ERLIN1: variants seen among roughly 807,000 people sequenced by gnomAD.
The protein encoded by ERLIN1 is erlin-1.
In ERLIN1, 24 loss-of-function variants were observed where a neutral mutation model predicts 46.9. The ratio of observed to expected loss-of-function variants is 0.51; its 90% CI spans 0.37 to 0.72. The LOEUF is 0.72. Among genes scored for constraint, ERLIN1 ranks in the 30% least tolerant of loss-of-function variants. The probability of loss-of-function intolerance (pLI) is 0.00; values close to 1 mark genes in which losing one functional copy is unlikely to be tolerated. For synonymous variants in ERLIN1, 158 were observed against 143.2 expected (o/e 1.10, Z -0.74); for missense variants, 293 against 417.9 (o/e 0.70, Z 2.61).
intron 5 of ERLIN1, among the ~76,000 whole-genome samples, chr10:100,174,524 T>C (rs1173149365): frequency 6.6e-6 from 1 of 152,194 alleles, no homozygotes; most frequent in African/African-American, 2.4e-5. Context: ...GTTTACCCAC[T>C]AAATGTATTA....
chr10:100,184,413 G>A (rs1264719339), intron 1 of ERLIN1, among the ~76,000 whole-genome samples: 5 of 152,170 alleles, frequency 3.3e-5, no homozygotes, highest in African/African-American at 1.2e-4. Flanking sequence ...ATAAGGGCTT[G>A]TTAACCAAAT....
At chr10:100,166,602 T>G (rs986489102) in intron 7 of ERLIN1, among the ~76,000 whole-genome samples, 1 of 152,222 alleles carries the variant, frequency 6.6e-6, no homozygotes, top group African/African-American at 2.4e-5. Flanking sequence ...GGACTTCCAG[T>G]ATTTATACAT....
intron 8 of ERLIN1, among the ~76,000 whole-genome samples, chr10:100,161,316 C>A (rs974070522): frequency 2.0e-5 from 3 of 151,726 alleles, no homozygotes; most frequent in Non-Finnish European, 4.4e-5. Flanking sequence ...TATACAAAAC[C>A]CATTAGAAAA....
At chr10:100,155,735 C>T (rs1843047178) in intron 9 of ERLIN1, among the ~76,000 whole-genome samples, 1 of 152,182 alleles carries the variant, frequency 6.6e-6, no homozygotes, top group South Asian at 2.1e-4. Context: ...GGGATGGTCT[C>T]GATCTCCTGA....
chr10:100,182,395 G>A (rs1256847441), intron 2 of ERLIN1, among the ~76,000 whole-genome samples: 4 of 152,024 alleles, frequency 2.6e-5, no homozygotes. Context: ...TGTTTCGGCT[G>A]TTGATGAGGT....
In ERLIN1 at chr10:100,150,913, G is replaced by A. The variant is rs1842771289; in HGVS notation, c.*1218C>T. On this transcript the variant is annotated 3_prime_UTR_variant, in exon 11 of 11. Coordinates refer to ENST00000421367, the MANE Select transcript of ERLIN1 (RefSeq NM_006459.4). Reference sequence around the variant, plus strand: ...AAAATTAAATTCACTGGCTGCCCAGGACGTCAGTGGAATCCTGATCTCCTG... The same window carrying A: ...AAAATTAAATTCACTGGCTGCCCAGAACGTCAGTGGAATCCTGATCTCCTG... 2 of 152,246 alleles carry A rather than the reference G, an allele frequency of 1.3e-5. No individual in the cohort carries two copies. Among genetic ancestry groups the A allele is most frequent in the South Asian group, 4.1e-4 (2 of 4,830 alleles). 9.4% of individuals were successfully genotyped at this position (152,246 alleles called of 1,614,324 possible).
At chr10:100,167,812 AC>A (rs1478112848) in intron 6 of ERLIN1, among the ~76,000 whole-genome samples, 3 of 152,370 alleles carry the variant, frequency 2.0e-5, no homozygotes, top group African/African-American at 7.2e-5. Flanking sequence ...TTAGTCAAAT[AC>A]AAAAACAAAC....
At chr10:100,155,810 G>A (rs1485924504) in intron 9 of ERLIN1, among the ~76,000 whole-genome samples, 1 of 152,194 alleles carries the variant, frequency 6.6e-6, no homozygotes, top group Non-Finnish European at 1.5e-5. Context: ...CACGGCGCCC[G>A]GCCAGAGATG....
In ERLIN1 at chr10:100,152,313, G is replaced by C. The variant is rs929178959; in HGVS notation, c.865C>G (p.Gln289Glu). ...TPEYLELKKY[Q>E]AIASNSKIYF... ...ATCTTACTGTTAGAAGCAATGGCCT[G>C]GTACTTTTTGAGCTCCAGATATTCC... Residue 289 changes from glutamine (Q) to glutamate (E), a missense_variant, in exon 11 of 11, where the codon CAG (glutamine) becomes GAG (glutamate). By Grantham distance (29) the Gln-to-Glu change is conservative. This residue lies in a region of ERLIN1 where 69 missense variants were observed against 74.5 expected (regional missense o/e 0.93). Transcript: ENST00000421367. The C allele has an allele frequency of 6.2e-7, 1 of 1,613,446 alleles. No individual in the cohort carries two copies. The highest frequency in any genetic ancestry group is 8.5e-7 in the Non-Finnish European group (1 of 1,179,370).
rs67272064 is a variant in ERLIN1 at position 100,169,621 on chromosome 10, TAAAA to T, written c.505-2219_505-2216del. Among the ~76,000 whole-genome samples the T allele has an allele frequency of 1.3e-3, 193 of 145,000 alleles. 2 individuals are homozygous for T. Among genetic ancestry groups the T allele is most frequent in the East Asian group, 8.9e-3 (45 of 5,036 alleles). On this transcript the variant is annotated intron_variant, in intron 6 of 10. Transcript: ENST00000421367. ...AGAATCAATCACATTCCTCAATGAT[TAAAA>T]AAAAAAAAGACTACATATTGAACAG...
At chr10:100,175,380 G>A (rs1844233070) in intron 5 of ERLIN1, among the ~76,000 whole-genome samples, 1 of 152,134 alleles carries the variant, frequency 6.6e-6, no homozygotes, top group African/African-American at 2.4e-5. Context: ...TACATAATCA[G>A]CCCCCAGTGA....
Position 100,185,873 on chromosome 10 carries a change from C to T in ERLIN1, c.-247G>A. 7.3e-6 allele frequency: 4 copies of T among 544,632 alleles called. No individual in the cohort carries two copies. The highest frequency in any genetic ancestry group is 1.9e-5 in the African/African-American group (1 of 52,304). The allele number at this position is 544,632 out of a possible 1,614,324, so 33.7% of individuals were successfully genotyped here. A position where few individuals can be genotyped will look rare whatever the true frequency, so the allele number is the denominator to read the frequency against. ...GTGAGCTTCCTGAAACTCCCTCTCCCAAGGGTCGCTCCCGGGTGGAAGGCA... is the reference window on the plus strand; with the variant it reads ...GTGAGCTTCCTGAAACTCCCTCTCCTAAGGGTCGCTCCCGGGTGGAAGGCA... On this transcript the variant is annotated 5_prime_UTR_variant, in exon 1 of 11. Transcript: ENST00000421367.
chr10:100,185,250 T>C (rs1400936740), intron 1 of ERLIN1, among the ~76,000 whole-genome samples: 3 of 152,196 alleles, frequency 2.0e-5, no homozygotes, highest in Non-Finnish European at 2.9e-5. Flanking sequence ...CTTTCTTCCT[T>C]CTTCATTTTT....
intron 6 of ERLIN1, among the ~76,000 whole-genome samples, chr10:100,170,861 T>A (rs1399926479): frequency 6.6e-6 from 1 of 152,044 alleles, no homozygotes; most frequent in African/African-American, 2.4e-5. Flanking sequence ...AATGGGAAGA[T>A]CAATGGAACA....
At position 100,183,820 on chromosome 10, in the gene ERLIN1, G is replaced by A. The variant is rs773606438; in HGVS notation, c.131C>T (p.Thr44Ile). 1 of 1,612,768 alleles carries A rather than the reference G, an allele frequency of 6.2e-7. No homozygotes were observed. ...ATGATAGCCTGGTCCACTGGGGCTA[G>A]TTAGTAAAGCTCCTCCCCTGCAAAA... is the stretch of plus-strand genomic sequence containing the variant. ...AVYYRGGALL[T>I]SPSGPGYHIM... The change falls in exon 2 of 11, where the codon ACT (threonine) becomes ATT (isoleucine). Residue 44 changes from threonine (T) to isoleucine (I), a missense_variant. By Grantham distance (89) the Thr-to-Ile change is moderately conservative. Around this residue, in one of 3 missense-constraint regions of ERLIN1, gnomAD observed 76 missense variants for 77.0 expected, o/e 0.99. Coordinates refer to ENST00000421367, the MANE Select transcript of ERLIN1 (RefSeq NM_006459.4).
At chr10:100,181,766 G>T (rs1034214423) in intron 2 of ERLIN1, among the ~76,000 whole-genome samples, 8 of 151,932 alleles carry the variant, frequency 5.3e-5, no homozygotes, top group East Asian at 3.9e-4. Flanking sequence ...TGCCTGCCTC[G>T]GCCTCCCAAA....
At chr10:100,173,128 CA>C (rs1296845779) in intron 6 of ERLIN1, among the ~76,000 whole-genome samples, 4 of 152,178 alleles carry the variant, frequency 2.6e-5, no homozygotes, top group Non-Finnish European at 5.9e-5. Flanking sequence ...TTTTGAGAAG[CA>C]CGAACACATA....
Position 100,174,903 on chromosome 10 carries a change from T to A in ERLIN1, c.431-622A>T, listed in dbSNP as rs118050340. 5.5e-3 allele frequency among the ~76,000 whole-genome samples: 835 copies of A among 152,324 alleles called. 3 individuals are homozygous for A. Among genetic ancestry groups the A allele is most frequent in the Non-Finnish European group, 8.4e-3 (571 of 68,038 alleles). ...CACTTTCTATTCACCTCAATGGTAC[T>A]TTCGCTATTTAAATGACTGGTGGTG... On this transcript the variant is annotated intron_variant, in intron 5 of 10. Coordinates refer to ENST00000421367, the MANE Select transcript of ERLIN1 (RefSeq NM_006459.4).
chr10:100,157,571 A>AT (rs1843142653), intron 8 of ERLIN1, among the ~76,000 whole-genome samples: 2 of 152,152 alleles, frequency 1.3e-5, no homozygotes, highest in Non-Finnish European at 2.9e-5. Flanking sequence ...CTTCCAAGTG[A>AT]TTTTTTTCTT....
Sources: gnomAD v4.1 joint callset for allele counts (sites outside exome capture counted in the v4.1 genomes callset) on GRCh38, gnomAD v4.1.1 for gene constraint, gnomAD v4.1.1 regional missense constraint, MANE v1.5 for transcripts, NCBI Gene and HGNC (gene_info 2026-07-23, HGNC 2026-07-21) for gene names.